Variants in SDK1 observed in about 807,000 individuals in gnomAD.
SDK1 encodes protein sidekick-1.
A neutral mutation model predicts 245.5 loss-of-function variants in SDK1; 157 were observed. The observed-to-expected ratio is 0.64, with a 90% CI of 0.56 to 0.73. SDK1 has a LOEUF of 0.73. SDK1 is among the 30% of genes least tolerant of loss of function. The pLI is 0.00. For synonymous variants in SDK1, 1,647 were observed against 1,278.5 expected (o/e 1.29, Z -6.15); for missense variants, 3,583 against 3,002.3 (o/e 1.19, Z -4.52).
chr7:3,515,924 C>T (rs1221776780), intron 1 of SDK1, among the ~76,000 whole-genome samples: 5 of 151,990 alleles, frequency 3.3e-5, no homozygotes, highest in Admixed American at 1.3e-4. Flanking sequence ...TGAAATTTTT[C>T]GTTTTTGACC....
At chr7:3,469,585 CAAAG>C (rs1164370832) in intron 1 of SDK1, among the ~76,000 whole-genome samples, 1 of 152,132 alleles carries the variant, frequency 6.6e-6, no homozygotes, top group Non-Finnish European at 1.5e-5. Context: ...GTTGTTTTTG[CAAAG>C]AAAGTTTTTG....
At chr7:3,594,327 C>T (rs925576635) in intron 1 of SDK1, among the ~76,000 whole-genome samples, 4 of 152,292 alleles carry the variant, frequency 2.6e-5, no homozygotes, top group South Asian at 4.1e-4. Flanking sequence ...TGTGGATATA[C>T]CACATATTGC....
At chr7:3,925,103 T>C (rs1779722032) in intron 5 of SDK1, among the ~76,000 whole-genome samples, 1 of 152,052 alleles carries the variant, frequency 6.6e-6, no homozygotes, top group African/African-American at 2.4e-5. Flanking sequence ...CCTCAGCGTG[T>C]AATAAAACAA....
chr7:4,093,727 C>T (rs117080545), intron 22 of SDK1, among the ~76,000 whole-genome samples: 444 of 152,266 alleles, frequency 2.9e-3, no homozygotes, highest in Non-Finnish European at 4.5e-3. Flanking sequence ...AAGTCGGGGG[C>T]GTGAAGCAAC....
intron 4 of SDK1, among the ~76,000 whole-genome samples, chr7:3,798,373 A>G (rs1779018951): frequency 6.6e-6 from 1 of 151,394 alleles, no homozygotes. Flanking sequence ...GCCCGCCACC[A>G]CGCCCAGCTA....
At position 4,036,437 on chromosome 7, in the gene SDK1, C is replaced by T. The variant is rs146101787; in HGVS notation, c.2603-12911C>T. Among the ~76,000 whole-genome samples the T allele has an allele frequency of 4.3e-4, 65 of 152,272 alleles. No individual in the cohort carries two copies. The East Asian group carries it at 0.012, about 27-fold the overall frequency. On this transcript the variant is annotated intron_variant, in intron 17 of 44. Transcript: ENST00000404826. The stretch of plus-strand genomic sequence containing the variant: ...GTAGACCTACATGGATGCCGCTCTA[C>T]CAGTCTTCATTATTTTTCTTTAGGG...
At chr7:4,203,332 A>G (rs539312527) in intron 35 of SDK1, among the ~76,000 whole-genome samples, 2 of 152,276 alleles carry the variant, frequency 1.3e-5, no homozygotes, top group East Asian at 3.9e-4. Context: ...CCCCCTGGCG[A>G]GGGTACAGGA....
At chr7:3,473,980 T>C (rs542750764) in intron 1 of SDK1, among the ~76,000 whole-genome samples, 232 of 151,550 alleles carry the variant, frequency 1.5e-3, no homozygotes, top group African/African-American at 5.5e-3. Context: ...CTCAAATGCC[T>C]CGATATTTTT....
chr7:4,151,021 G>C (rs1421481309), intron 30 of SDK1, among the ~76,000 whole-genome samples: 1 of 152,222 alleles, frequency 6.6e-6, no homozygotes, highest in East Asian at 1.9e-4. Context: ...TTTGAGTTGC[G>C]AGGCTTGGAG....
chr7:3,596,963 C>G (rs1424818650), intron 1 of SDK1, among the ~76,000 whole-genome samples: 1 of 152,054 alleles, frequency 6.6e-6, no homozygotes, highest in African/African-American at 2.4e-5. Flanking sequence ...TGTGATTGGC[C>G]AAAACTGGTA....
intron 13 of SDK1, among the ~76,000 whole-genome samples, chr7:3,982,373 C>T (rs2128137282): frequency 6.6e-6 from 1 of 152,296 alleles, no homozygotes; most frequent in East Asian, 1.9e-4. Context: ...CCTGCTAGCA[C>T]AACATCCGTT....
At chr7:3,342,066 C>T (rs577757297) in intron 1 of SDK1, among the ~76,000 whole-genome samples, 2 of 151,954 alleles carry the variant, frequency 1.3e-5, no homozygotes, top group African/African-American at 4.8e-5. Flanking sequence ...CAGATCAATG[C>T]GGTGGAACAG....
At position 3,504,168 on chromosome 7, in the gene SDK1, T is replaced by TTATATA. The variant is rs540962515; in HGVS notation, c.299-114902_299-114897dup. Among the ~76,000 whole-genome samples, 3 of 109,976 alleles carry TTATATA rather than the reference T, an allele frequency of 2.7e-5. No individual in the cohort carries two copies. In the Admixed American group the frequency reaches 3.0e-4, roughly 11 times the overall value. 72.1% of individuals were successfully genotyped at this position (109,976 alleles called of 152,430 possible). Reference sequence around the variant, plus strand: ...CCTTCTCAAAAAAAAACCAAAAAAATTATATATATATATATGTGTGTGTGT... The same window carrying TTATATA: ...CCTTCTCAAAAAAAAACCAAAAAAATTATATATATATATATATATATGTGTGTGTGT... On this transcript the variant is annotated intron_variant, in intron 1 of 44. Transcript: ENST00000404826.
At chr7:3,748,816 A>G (rs1378543372) in intron 4 of SDK1, among the ~76,000 whole-genome samples, 1 of 152,202 alleles carries the variant, frequency 6.6e-6, no homozygotes, top group Non-Finnish European at 1.5e-5. Flanking sequence ...CATAAATCCA[A>G]GGTTTCAGGT....
At chr7:4,051,449 G>A (rs1042320000) in intron 18 of SDK1, among the ~76,000 whole-genome samples, 189 bp from the exon 19 acceptor site, 7 of 151,588 alleles carry the variant, frequency 4.6e-5, no homozygotes, top group South Asian at 4.2e-4. Context: ...ATACATGCTT[G>A]TATACAAAAA....
intron 1 of SDK1, among the ~76,000 whole-genome samples, chr7:3,501,261 C>T (rs1050400370): frequency 1.3e-5 from 2 of 151,938 alleles, no homozygotes; most frequent in African/African-American, 4.8e-5. Flanking sequence ...TGATTAGATT[C>T]CTTAGGGAAG....
chr7:3,598,035 C>G (rs957165085), intron 1 of SDK1, among the ~76,000 whole-genome samples: 6 of 152,086 alleles, frequency 3.9e-5, no homozygotes, highest in Admixed American at 3.9e-4. Context: ...GTGGTTGTAC[C>G]ATTTTTACAT....
At chr7:3,303,845 G>T (rs911194226) in intron 1 of SDK1, among the ~76,000 whole-genome samples, 12 of 152,178 alleles carry the variant, frequency 7.9e-5, no homozygotes, top group African/African-American at 2.7e-4. Flanking sequence ...TTCTGGTGCT[G>T]TTATAAGAGA....
chr7:4,165,352 C>T (rs1781439684), intron 32 of SDK1, among the ~76,000 whole-genome samples: 1 of 151,590 alleles, frequency 6.6e-6, no homozygotes, highest in Admixed American at 6.6e-5. Flanking sequence ...ACAGCAAAAC[C>T]TTGTCTCAAA....
Sources: allele counts gnomAD v4.1 joint callset (sites outside exome capture counted in the v4.1 genomes callset), GRCh38; gene constraint gnomAD v4.1.1; transcripts MANE v1.5; gene names NCBI Gene and HGNC (gene_info 2026-07-23, HGNC 2026-07-21).